The following ATP9B variants were observed in gnomAD, a reference collection of about 807,000 sequenced individuals.
ATP9B encodes ATPase phospholipid transporting 9B.
In ATP9B, 110 loss-of-function variants were observed where a neutral mutation model predicts 146.1. The observed-to-expected ratio is 0.75, with a 90% CI of 0.65 to 0.88. The LOEUF (loss-of-function observed/expected upper bound fraction) is 0.88. Ranked by LOEUF, ATP9B falls within the 40% of genes least tolerant of loss-of-function variation. The pLI, the probability that ATP9B is intolerant of heterozygous loss-of-function variation, is 0.00. For missense variants in ATP9B, 1,499 were observed against 1,496.4 expected (o/e 1.00, Z -0.03); for synonymous variants, 604 against 569.7 (o/e 1.06, Z -0.86).
At chr18:79,298,671 A>G (rs2096569490) in intron 13 of ATP9B, among the ~76,000 whole-genome samples, 1 of 147,140 alleles carries the variant, frequency 6.8e-6, no homozygotes, top group African/African-American at 2.5e-5. Flanking sequence ...TCACTACCAG[A>G]TTTCAAGACT....
intron 15 of ATP9B, among the ~76,000 whole-genome samples, chr18:79,327,941 T>C (rs1397008633): frequency 1.0e-5 from 1 of 97,016 alleles, no homozygotes; most frequent in African/African-American, 4.0e-5. Context: ...GTTAGCGTGC[T>C]CTCCGTGGTT....
intron 5 of ATP9B, among the ~76,000 whole-genome samples, chr18:79,128,667 T>C (rs2147221813): frequency 6.6e-6 from 1 of 152,294 alleles, no homozygotes; most frequent in East Asian, 1.9e-4. Flanking sequence ...ATTGTTGTAA[T>C]GGAGGGGCTA....
At chr18:79,117,480 T>A (rs1164838714) in intron 4 of ATP9B, 1 of 152,258 alleles carries the variant, frequency 6.6e-6, no homozygotes, top group Non-Finnish European at 1.5e-5. Flanking sequence ...CAGTCAGATA[T>A]GAAACAGGGA....
chr18:79,145,361 G>C (rs2094570508), intron 6 of ATP9B: 1 of 117,024 alleles, frequency 8.5e-6, no homozygotes, highest in African/African-American at 4.2e-5. Context: ...CTGCATGTCG[G>C]GGGAGCTGGC....
chr18:79,223,283 TAA>T (rs940533224), intron 11 of ATP9B, among the ~76,000 whole-genome samples: 1 of 152,104 alleles, frequency 6.6e-6, no homozygotes, highest in Non-Finnish European at 1.5e-5. Flanking sequence ...GATAATTTAT[TAA>T]TATTTTAAAA....
chr18:79,331,849 G>T (rs1033188620), intron 17 of ATP9B, among the ~76,000 whole-genome samples: 1 of 152,148 alleles, frequency 6.6e-6, no homozygotes, highest in South Asian at 2.1e-4. Context: ...GAGGTGATTG[G>T]CTTCCTTCCC....
chr18:79,324,830 A>C (rs1020946906), intron 15 of ATP9B, among the ~76,000 whole-genome samples: 4 of 152,232 alleles, frequency 2.6e-5, no homozygotes, highest in African/African-American at 9.6e-5. Flanking sequence ...TGAATTTATA[A>C]ATAGTTAACT....
At chr18:79,283,280 C>G (rs555416047) in intron 13 of ATP9B, among the ~76,000 whole-genome samples, 1 of 152,216 alleles carries the variant, frequency 6.6e-6, no homozygotes, top group Non-Finnish European at 1.5e-5. Flanking sequence ...CCTGGTTCTC[C>G]GTATCAGAGG....
chr18:79,180,707 C>A (rs1456258278), intron 8 of ATP9B, among the ~76,000 whole-genome samples: 1 of 152,140 alleles, frequency 6.6e-6, no homozygotes, highest in Non-Finnish European at 1.5e-5. Flanking sequence ...GCCCTAAGAA[C>A]TTCTTTCAAC....
At chr18:79,174,892 A>C (rs1192618765) in intron 7 of ATP9B, among the ~76,000 whole-genome samples, 1 of 152,086 alleles carries the variant, frequency 6.6e-6, no homozygotes, top group Non-Finnish European at 1.5e-5. Flanking sequence ...CTATCAACTG[A>C]TCTTCCCAGT....
At chr18:79,157,207 TACACACACACACAC>T (rs147810207) in intron 7 of ATP9B, among the ~76,000 whole-genome samples, 21,782 of 135,298 alleles carry the variant, frequency 0.16, 1,705 homozygotes, top group East Asian at 0.2. Flanking sequence ...CTAAAAAAAA[TACACACACACACAC>T]ACACACACAC....
intron 12 of ATP9B, among the ~76,000 whole-genome samples, chr18:79,270,404 T>A (rs2145548170): frequency 6.6e-6 from 1 of 152,326 alleles, no homozygotes; most frequent in South Asian, 2.1e-4. Context: ...ATTTGAAAAT[T>A]GCAAAACTCT....
chr18:79,253,821 C>G, intron 12 of ATP9B: 1 of 279,758 alleles, frequency 3.6e-6, no homozygotes, highest in East Asian at 6.9e-5. Context: ...GAAACATAAA[C>G]CAGAATTTCA....
intron 2 of ATP9B, among the ~76,000 whole-genome samples, chr18:79,103,611 A>G (rs560770146): frequency 1.3e-5 from 2 of 152,334 alleles, no homozygotes; most frequent in East Asian, 1.9e-4. Flanking sequence ...TCTATTCTCA[A>G]TTGGGAACAT....
At chr18:79,080,692 T>C (rs1309878850) in intron 1 of ATP9B, among the ~76,000 whole-genome samples, 2 of 152,128 alleles carry the variant, frequency 1.3e-5, no homozygotes, top group Non-Finnish European at 2.9e-5. Context: ...CATCCTTGTC[T>C]TGTGCTGGTT....
intron 9 of ATP9B, among the ~76,000 whole-genome samples, chr18:79,203,117 G>A (rs1289288480): frequency 6.6e-6 from 1 of 152,170 alleles, no homozygotes; most frequent in African/African-American, 2.4e-5. Context: ...CAGGAGAACC[G>A]GGAGGAGCAG....
At chr18:79,295,111 GACAC>G (rs10537302) in intron 13 of ATP9B, among the ~76,000 whole-genome samples, 3 of 151,554 alleles carry the variant, frequency 2.0e-5, no homozygotes, top group Non-Finnish European at 2.9e-5. Context: ...CACAGACACA[GACAC>G]ACACACACAC....
At chr18:79,142,413 A>G (rs1169008193) in intron 5 of ATP9B, among the ~76,000 whole-genome samples, 1 of 152,156 alleles carries the variant, frequency 6.6e-6, no homozygotes, top group East Asian at 1.9e-4. Flanking sequence ...TCCTTTTAAG[A>G]TGTGTTGATT....
intron 12 of ATP9B, among the ~76,000 whole-genome samples, chr18:79,271,110 T>C (rs2096249009): frequency 6.6e-6 from 1 of 152,288 alleles, no homozygotes; most frequent in African/African-American, 2.4e-5. Context: ...CAGCTTACTC[T>C]TCCGAAAACA....
Sources: gnomAD v4.1 joint callset for allele counts (sites outside exome capture counted in the v4.1 genomes callset) on GRCh38, gnomAD v4.1.1 for gene constraint, MANE v1.5 for transcripts, NCBI Gene and HGNC (gene_info 2026-07-23, HGNC 2026-07-21) for gene names.